Variants in WDR70 observed in about 807,000 individuals in gnomAD.
WDR70 encodes the protein WD repeat domain 70, also known as WD repeat-containing protein 70.
WDR70 carries 53 observed loss-of-function variants against 88.6 expected under a neutral mutation model. The observed-to-expected ratio is 0.60, with a 90% CI of 0.48 to 0.75. WDR70 has a LOEUF of 0.75. Ranked by LOEUF, WDR70 falls within the 30% of genes least tolerant of loss-of-function variation. The probability of loss-of-function intolerance (pLI) is 0.00; values close to 1 mark genes in which losing one functional copy is unlikely to be tolerated. For missense variants in WDR70, 610 were observed against 823.2 expected, an observed-to-expected ratio of 0.74 and a Z score of 3.17; for synonymous variants, 280 against 270.0, an observed-to-expected ratio of 1.04 and a Z score of -0.36.
intron 5 of WDR70, among the ~76,000 whole-genome samples, chr5:37,415,270 A>C (rs1749667551): frequency 1.3e-5 from 2 of 151,804 alleles, no homozygotes; most frequent in South Asian, 2.1e-4. Context: ...CATTGTCATC[A>C]TGGCCCGTTC....
intron 5 of WDR70, among the ~76,000 whole-genome samples, chr5:37,402,736 G>C (rs976648326): frequency 6.6e-6 from 1 of 151,784 alleles, no homozygotes; most frequent in Non-Finnish European, 1.5e-5. Context: ...TTGAATACTA[G>C]GTCTTATTCT....
At chr5:37,649,799 G>A (rs1581464965) in intron 10 of WDR70, among the ~76,000 whole-genome samples, 3 of 126,798 alleles carry the variant, frequency 2.4e-5, no homozygotes, top group South Asian at 2.5e-4. Flanking sequence ...GTGCAGTGGC[G>A]CGATCTCGGC....
At position 37,727,270 on chromosome 5, in the gene WDR70, T is replaced by C. The variant is rs368955056; in HGVS notation, c.1877+225T>C. Reference sequence around the variant, plus strand: ...GGCCCATTCCATCAGAGTTGTAGCATAGTGTAAACCATTATGTGAAGCCCA... The same window carrying C: ...GGCCCATTCCATCAGAGTTGTAGCACAGTGTAAACCATTATGTGAAGCCCA... On this transcript the variant is annotated intron_variant, in intron 17 of 17. Transcript: ENST00000265107. Among the ~76,000 whole-genome samples the C allele has an allele frequency of 2.0e-5, 3 of 152,164 alleles. No individual in the cohort carries two copies. In the East Asian group the frequency reaches 5.8e-4, roughly 29 times the overall value.
intron 9 of WDR70, among the ~76,000 whole-genome samples, chr5:37,522,235 G>A (rs969328984): frequency 1.3e-5 from 2 of 151,988 alleles, no homozygotes; most frequent in African/African-American, 4.8e-5. Flanking sequence ...CATTTTGGGA[G>A]GCTGAGGCGG....
At chr5:37,551,720 T>C (rs568819521) in intron 9 of WDR70, among the ~76,000 whole-genome samples, 90 of 145,034 alleles carry the variant, frequency 6.2e-4, no homozygotes, top group African/African-American at 2.3e-3. Flanking sequence ...AAAGTGAGAC[T>C]CTTTCTCAAA....
At chr5:37,464,153 C>G (rs1739091800) in intron 7 of WDR70, among the ~76,000 whole-genome samples, 1 of 152,136 alleles carries the variant, frequency 6.6e-6, no homozygotes. Flanking sequence ...AATAAATCAT[C>G]AGAAGAAACA....
intron 9 of WDR70, among the ~76,000 whole-genome samples, chr5:37,538,546 A>G (rs1156909929): frequency 6.6e-6 from 1 of 152,224 alleles, no homozygotes; most frequent in Non-Finnish European, 1.5e-5. Context: ...AGGCCAAGCT[A>G]GCACTCATTG....
chr5:37,718,394 T>C (rs1747714412), intron 13 of WDR70, among the ~76,000 whole-genome samples: 1 of 152,186 alleles, frequency 6.6e-6, no homozygotes, highest in South Asian at 2.1e-4. Flanking sequence ...CTTTTCCAAT[T>C]CTGCACCCTG....
chr5:37,452,734 T>C (rs185862254), intron 7 of WDR70, among the ~76,000 whole-genome samples: 3 of 152,332 alleles, frequency 2.0e-5, no homozygotes, highest in Non-Finnish European at 2.9e-5. Flanking sequence ...CTTGAAGATA[T>C]GGAAACATAG....
At position 37,659,604 on chromosome 5, in the gene WDR70, G is replaced by A. The variant is rs114388823; in HGVS notation, c.1093-38051G>A. Among the ~76,000 whole-genome samples the A allele has an allele frequency of 5.8e-3, 878 of 152,206 alleles. 6 individuals are homozygous for A. Among genetic ancestry groups the A allele is most frequent in the South Asian group, 0.012 (57 of 4,816 alleles). On this transcript the variant is annotated intron_variant, in intron 10 of 17. Coordinates refer to ENST00000265107, the MANE Select transcript of WDR70 (RefSeq NM_018034.4). ...TGCCATAACAAAATACTTTAGACTG[G>A]GTAGATAACAGATATTTATTTTTCA...
At chr5:37,479,327 C>T (rs1434337697) in intron 7 of WDR70, 1 of 150,696 alleles carries the variant, frequency 6.6e-6, no homozygotes, top group Non-Finnish European at 1.5e-5. Flanking sequence ...GAAGAGAGAG[C>T]TACCAGAATA....
chr5:37,673,384 A>C (rs974947559), intron 10 of WDR70, among the ~76,000 whole-genome samples: 1 of 152,056 alleles, frequency 6.6e-6, no homozygotes, highest in African/African-American at 2.4e-5. Context: ...TGTTTTTATA[A>C]TAGAACCATG....
rs1453662556 is a variant in WDR70, at chr5:37,752,706, A to G, written c.*133A>G. 1.5e-6 allele frequency: 1 copy of G among 670,674 alleles called. No individual in the cohort carries two copies. Among genetic ancestry groups the G allele is most frequent in the Non-Finnish European group, 2.5e-6 (1 of 399,870 alleles). 41.5% of individuals were successfully genotyped at this position (670,674 alleles called of 1,614,324 possible). A position where few individuals can be genotyped will look rare whatever the true frequency, so the allele number is the denominator to read the frequency against. ...GTCCTTTGCATTATTGAACTGGTCA[A>G]AAGTTTGGTGGCTAGGCTTCACTAA... is the stretch of plus-strand genomic sequence containing the variant. On this transcript the variant is annotated 3_prime_UTR_variant, in exon 18 of 18. Coordinates refer to ENST00000265107, the MANE Select transcript of WDR70 (RefSeq NM_018034.4).
chr5:37,475,068 G>A (rs1353101415), intron 7 of WDR70, among the ~76,000 whole-genome samples: 3 of 150,234 alleles, frequency 2.0e-5, no homozygotes, highest in African/African-American at 4.9e-5. Context: ...ACAAGCGTGC[G>A]CTACCACGCC....
chr5:37,383,804 C>T (rs1293491363), intron 3 of WDR70, among the ~76,000 whole-genome samples: 1 of 150,626 alleles, frequency 6.6e-6, no homozygotes, highest in African/African-American at 2.4e-5. Flanking sequence ...AGGATGGTCT[C>T]GATCTCCTGA....
At chr5:37,557,274 A>T (rs1311266698) in intron 9 of WDR70, among the ~76,000 whole-genome samples, 1 of 151,886 alleles carries the variant, frequency 6.6e-6, no homozygotes. Context: ...GATGTTAATG[A>T]CCAGCCAAGT....
chr5:37,473,935 G>C (rs7703670), intron 7 of WDR70, among the ~76,000 whole-genome samples: 5 of 152,038 alleles, frequency 3.3e-5, no homozygotes, highest in East Asian at 1.9e-4. Context: ...GATTAAAACA[G>C]TTTTTTTGTA....
intron 3 of WDR70, among the ~76,000 whole-genome samples, chr5:37,389,022 C>T (rs111411887): frequency 0.013 from 2,026 of 151,792 alleles, 43 homozygotes; most frequent in African/African-American, 0.046. Context: ...GCTGCTGCTG[C>T]CACCCCCCGA....
At chr5:37,729,539 A>G (rs1412518245) in intron 17 of WDR70, among the ~76,000 whole-genome samples, 1 of 152,160 alleles carries the variant, frequency 6.6e-6, no homozygotes, top group Non-Finnish European at 1.5e-5. Context: ...TTATTTGTTC[A>G]GGTCTGGCAT....
Sources: allele counts gnomAD v4.1 joint callset (sites outside exome capture counted in the v4.1 genomes callset), GRCh38; gene constraint gnomAD v4.1.1; transcripts MANE v1.5; gene names NCBI Gene and HGNC (gene_info 2026-07-23, HGNC 2026-07-21).